Variants in PTPRO observed in about 807,000 individuals in gnomAD.
The protein encoded by PTPRO is protein tyrosine phosphatase receptor type O, also known as receptor-type tyrosine-protein phosphatase O.
Under a neutral mutation model 145.2 loss-of-function variants are expected in PTPRO, and 62 were observed. The observed-to-expected ratio is 0.43, with a 90% CI of 0.35 to 0.53. The LOEUF is 0.53. PTPRO is among the 20% of genes least tolerant of loss of function. The pLI, the probability that PTPRO is intolerant of heterozygous loss-of-function variation, is 0.01. For synonymous variants in PTPRO, 565 were observed against 514.7 expected (o/e 1.10, Z -1.32); for missense variants, 1,345 against 1,482.7 (o/e 0.91, Z 1.53).
At chr12:15,374,984 T>G (rs1565593798) in intron 1 of PTPRO, among the ~76,000 whole-genome samples, 1 of 152,172 alleles carries the variant, frequency 6.6e-6, no homozygotes. Flanking sequence ...TTCCTGAGCA[T>G]TACTGAAGTT....
chr12:15,376,653 G>C (rs541178902), intron 1 of PTPRO, among the ~76,000 whole-genome samples: 2 of 152,148 alleles, frequency 1.3e-5, no homozygotes, highest in Non-Finnish European at 2.9e-5. Context: ...CCAAGATCAA[G>C]GTGCCAACAG....
At chr12:15,409,960 G>A (rs908322598) in intron 1 of PTPRO, among the ~76,000 whole-genome samples, 1 of 152,158 alleles carries the variant, frequency 6.6e-6, no homozygotes, top group African/African-American at 2.4e-5. Flanking sequence ...CTATGTCACC[G>A]TGTTACCCTC....
At chr12:15,581,283 C>A (rs1247554901) in intron 22 of PTPRO, among the ~76,000 whole-genome samples, 1 of 146,684 alleles carries the variant, frequency 6.8e-6, no homozygotes, top group Non-Finnish European at 1.5e-5. Context: ...CAATGTTATG[C>A]GTTCTGAGTG....
chr12:15,348,721 G>T (rs1187499049), intron 1 of PTPRO: 1 of 151,896 alleles, frequency 6.6e-6, no homozygotes, highest in Non-Finnish European at 1.5e-5. Flanking sequence ...CCGGGGGGCG[G>T]AGCCTGCCGT....
At chr12:15,352,465 A>G (rs775974400) in intron 1 of PTPRO, among the ~76,000 whole-genome samples, 10 of 152,026 alleles carry the variant, frequency 6.6e-5, no homozygotes, top group African/African-American at 1.2e-4. Flanking sequence ...CTTGGCTAAC[A>G]CGGTGAAACC....
At chr12:15,433,594 C>T (rs1940513006) in intron 1 of PTPRO, among the ~76,000 whole-genome samples, 1 of 152,198 alleles carries the variant, frequency 6.6e-6, no homozygotes, top group South Asian at 2.1e-4. Context: ...GTTATTCCAA[C>T]ACCATTTATT....
intron 3 of PTPRO, among the ~76,000 whole-genome samples, chr12:15,498,686 G>T (rs1172155653): frequency 2.6e-5 from 4 of 152,006 alleles, no homozygotes; most frequent in Non-Finnish European, 5.9e-5. Context: ...AACATAATCT[G>T]CAAATTAATA....
chr12:15,482,519 G>T (rs1365380711), intron 1 of PTPRO, among the ~76,000 whole-genome samples: 1 of 152,028 alleles, frequency 6.6e-6, no homozygotes, highest in Non-Finnish European at 1.5e-5. Context: ...TAGAAGAGTG[G>T]ATTTTGAATG....
In PTPRO at chr12:15,551,457, C is replaced by T. The variant is rs79946595; in HGVS notation, c.2438-94C>T. On this transcript the variant is annotated intron_variant, in intron 14 of 26. Transcript: ENST00000281171. ...ACTATTATTGGTATCATCGTAAGCT[C>T]ACTGCCCTTAAGACTAGATGAAAAG... The T allele has an allele frequency of 1.3e-3, 1,972 of 1,478,038 alleles. 25 individuals carry two copies. In the African/African-American group the frequency reaches 0.025, roughly 19 times the overall value. 91.6% of individuals were successfully genotyped at this position (1,478,038 alleles called of 1,614,324 possible).
chr12:15,396,138 GA>G (rs1430407737), intron 1 of PTPRO, among the ~76,000 whole-genome samples: 1 of 152,238 alleles, frequency 6.6e-6, no homozygotes, highest in Middle Eastern at 3.4e-3. Flanking sequence ...GAGTGACTCT[GA>G]ATGTGTTCTC....
At chr12:15,595,115 T>G in intron 26 of PTPRO, 58 bp downstream of exon 26, 3 of 1,138,322 alleles carry the variant, frequency 2.6e-6, no homozygotes, top group Non-Finnish European at 3.9e-6. Flanking sequence ...GAGGGGGATG[T>G]GATGGATGGG....
At chr12:15,335,399 T>G (rs1223176475) in intron 1 of PTPRO, among the ~76,000 whole-genome samples, 5 of 152,154 alleles carry the variant, frequency 3.3e-5, no homozygotes, top group Non-Finnish European at 5.9e-5. Context: ...AAGGTTTTTA[T>G]GAAATGCATT....
chr12:15,573,278 T>G (rs1944101241), intron 19 of PTPRO, among the ~76,000 whole-genome samples: 2 of 152,140 alleles, frequency 1.3e-5, no homozygotes, highest in Admixed American at 1.3e-4. Flanking sequence ...CTGTCTCTTC[T>G]CATCAGGCCT....
chr12:15,499,074 G>A (rs903569207), intron 3 of PTPRO, among the ~76,000 whole-genome samples: 1 of 151,952 alleles, frequency 6.6e-6, no homozygotes, highest in Non-Finnish European at 1.5e-5. Context: ...TCTTTTTTTA[G>A]GTCATAAGGT....
chr12:15,589,318 G>T, intron 24 of PTPRO, 137 bp from the exon 25 acceptor site: 2 of 1,182,348 alleles, frequency 1.7e-6, no homozygotes, highest in South Asian at 1.2e-5. Flanking sequence ...AGAGGTTGCA[G>T]TGAGCCGAGA....
chr12:15,510,814 T>G (rs187762552), intron 7 of PTPRO, among the ~76,000 whole-genome samples: 75 of 152,106 alleles, frequency 4.9e-4, no homozygotes, highest in African/African-American at 1.8e-3. Context: ...AAAGTGGAAA[T>G]AAGACCATCT....
intron 1 of PTPRO, among the ~76,000 whole-genome samples, chr12:15,481,321 T>G (rs532071908): frequency 6.6e-6 from 1 of 152,296 alleles, no homozygotes; most frequent in South Asian, 2.1e-4. Flanking sequence ...TCTCCTAGAA[T>G]TTTCCTAGGA....
At chr12:15,487,939 C>A (rs564626178) in intron 2 of PTPRO, among the ~76,000 whole-genome samples, 35 of 152,308 alleles carry the variant, frequency 2.3e-4, no homozygotes, top group African/African-American at 7.7e-4. Context: ...AAACTCGGAG[C>A]TGCTTTCTTC....
chr12:15,572,518 TC>T (rs1159012897), intron 19 of PTPRO, among the ~76,000 whole-genome samples: 5 of 152,260 alleles, frequency 3.3e-5, no homozygotes, highest in Admixed American at 1.3e-4. Context: ...TTCATTTTCC[TC>T]TGTTTCTTTT....
Sources: allele counts gnomAD v4.1 joint callset (sites outside exome capture counted in the v4.1 genomes callset), GRCh38; gene constraint gnomAD v4.1.1; transcripts MANE v1.5; gene names NCBI Gene and HGNC (gene_info 2026-07-23, HGNC 2026-07-21).